Variants in TYW1 observed in about 807,000 individuals in gnomAD.
TYW1 encodes tRNA-yW synthesizing protein 1 homolog.
In TYW1, 46 loss-of-function variants were observed where a neutral mutation model predicts 96.2. The ratio of observed to expected loss-of-function variants is 0.48; its 90% CI spans 0.38 to 0.61. The LOEUF (loss-of-function observed/expected upper bound fraction) is 0.61. Ranked by LOEUF, TYW1 falls within the 20% of genes least tolerant of loss-of-function variation. The pLI is 0.00. For missense variants in TYW1, 684 were observed against 909.6 expected, an observed-to-expected ratio of 0.75 and a Z score of 3.19; for synonymous variants, 274 against 323.0, an observed-to-expected ratio of 0.85 and a Z score of 1.63.
At chr7:67,119,803 T>G (rs547758131) in intron 13 of TYW1, among the ~76,000 whole-genome samples, 1 of 152,274 alleles carries the variant, frequency 6.6e-6, no homozygotes, top group Non-Finnish European at 1.5e-5. Flanking sequence ...CATTTTTTTC[T>G]TGGAGACTGG....
chr7:67,210,839 T>TATCAATCCATCC (rs1800986353), intron 15 of TYW1, among the ~76,000 whole-genome samples: 1 of 150,090 alleles, frequency 6.7e-6, no homozygotes, highest in Non-Finnish European at 1.5e-5. Context: ...TTCATCCATC[T>TATCAATCCATCC]ATCAATCCAT....
intron 7 of TYW1, among the ~76,000 whole-genome samples, chr7:67,048,068 G>A (rs1795243182): frequency 1.7e-5 from 2 of 120,262 alleles, no homozygotes; most frequent in African/African-American, 3.2e-5. Flanking sequence ...GATTATAGGC[G>A]TGAGCCAACG....
intron 11 of TYW1, among the ~76,000 whole-genome samples, chr7:67,096,050 C>T (rs2115846901): frequency 6.6e-6 from 1 of 152,312 alleles, no homozygotes; most frequent in Non-Finnish European, 1.5e-5. Flanking sequence ...AACAAAAATT[C>T]TTCAAGGTAC....
At chr7:67,061,918 A>G (rs1795708168) in intron 9 of TYW1, among the ~76,000 whole-genome samples, 1 of 152,174 alleles carries the variant, frequency 6.6e-6, no homozygotes, top group South Asian at 2.1e-4. Context: ...CAAACACATC[A>G]TCGTCATTAA....
At chr7:67,007,197 C>T (rs1793627455) in intron 3 of TYW1, among the ~76,000 whole-genome samples, 1 of 151,780 alleles carries the variant, frequency 6.6e-6, no homozygotes, top group African/African-American at 2.4e-5. Flanking sequence ...GGCCATGAGC[C>T]AATTCTTCAT....
At position 67,210,506 on chromosome 7, in the gene TYW1, G is replaced by A. The variant is rs1240262875; in HGVS notation, c.1977+15169G>A. Among the ~76,000 whole-genome samples, 3 of 152,170 alleles carry A rather than the reference G, an allele frequency of 2.0e-5. No homozygotes were observed. The South Asian group carries it at 6.2e-4, about 31-fold the overall frequency. The stretch of plus-strand genomic sequence containing the variant: ...CGTGTGTGGTCCATATCCAAGGGGC[G>A]TAGTGTTAGGCTCCCCGTCCTTGAG... On this transcript the variant is annotated intron_variant, in intron 15 of 15. Transcript: ENST00000359626.
chr7:67,110,141 C>T (rs980147662), intron 12 of TYW1, among the ~76,000 whole-genome samples: 1 of 152,188 alleles, frequency 6.6e-6, no homozygotes, highest in African/African-American at 2.4e-5. Context: ...TTTAGCTTCA[C>T]AAAGCCGCCT....
intron 11 of TYW1, among the ~76,000 whole-genome samples, chr7:67,094,126 A>G (rs1182282264): frequency 6.6e-6 from 1 of 152,144 alleles, no homozygotes; most frequent in Non-Finnish European, 1.5e-5. Flanking sequence ...TAGTTCACCT[A>G]GGATGATGGC....
At chr7:67,083,182 T>TGTAAC (rs775009689) in intron 10 of TYW1, among the ~76,000 whole-genome samples, 17 of 152,232 alleles carry the variant, frequency 1.1e-4, no homozygotes, top group Non-Finnish European at 2.1e-4. Flanking sequence ...TCTGTCAACC[T>TGTAAC]GTAACTGGAA....
chr7:67,189,605 C>G (rs1288004006), intron 14 of TYW1, among the ~76,000 whole-genome samples: 1 of 152,154 alleles, frequency 6.6e-6, no homozygotes, highest in African/African-American at 2.4e-5. Context: ...ACAGGTTATT[C>G]ATCCTCCTTG....
At chr7:67,129,098 G>T (rs2116043221) in intron 13 of TYW1, among the ~76,000 whole-genome samples, 1 of 152,284 alleles carries the variant, frequency 6.6e-6, no homozygotes, top group East Asian at 1.9e-4. Flanking sequence ...GCTGCAGTTG[G>T]CTATTTCCCT....
At chr7:67,186,234 G>T (rs1800012942) in intron 14 of TYW1, among the ~76,000 whole-genome samples, 1 of 139,012 alleles carries the variant, frequency 7.2e-6, no homozygotes, top group Non-Finnish European at 1.5e-5. Context: ...AGCTTGGCTG[G>T]ATCTCCCTTT....
intron 7 of TYW1, among the ~76,000 whole-genome samples, chr7:67,036,158 AG>A (rs527538285): frequency 8.3e-4 from 124 of 149,024 alleles, no homozygotes; most frequent in African/African-American, 2.9e-3. Flanking sequence ...TAAAAGTCTG[AG>A]CACCAGACTG....
chr7:67,093,382 C>T (rs1196822354), intron 11 of TYW1, among the ~76,000 whole-genome samples: 1 of 152,016 alleles, frequency 6.6e-6, no homozygotes, highest in Non-Finnish European at 1.5e-5. Flanking sequence ...AGAGGCTTGA[C>T]CAAGGATATA....
At chr7:67,153,612 T>C (rs1798871923) in intron 13 of TYW1, among the ~76,000 whole-genome samples, 1 of 152,220 alleles carries the variant, frequency 6.6e-6, no homozygotes, top group Admixed American at 6.5e-5. Flanking sequence ...TCATAAAATA[T>C]ACAGAAATAT....
At chr7:67,218,625 T>G (rs1389698350) in intron 15 of TYW1, among the ~76,000 whole-genome samples, 4 of 152,222 alleles carry the variant, frequency 2.6e-5, no homozygotes, top group Non-Finnish European at 5.9e-5. Context: ...AGTGTTGGGA[T>G]TACAGGCATG....
chr7:67,235,497 T>C (rs7801032), intron 15 of TYW1, among the ~76,000 whole-genome samples: 40,688 of 151,936 alleles, frequency 0.27, 5,817 homozygotes, highest in African/African-American at 0.36. Context: ...GCAGTCCCTT[T>C]TATTCCATGG....
chr7:67,210,911 TCTATCCAA>T (rs1401276788), intron 15 of TYW1, among the ~76,000 whole-genome samples: 35 of 148,382 alleles, frequency 2.4e-4, no homozygotes, highest in African/African-American at 5.5e-4. Context: ...TGTCCATCCA[TCTATCCAA>T]CCATCCATCC....
chr7:67,223,222 G>A (rs1189315364), intron 15 of TYW1, among the ~76,000 whole-genome samples: 7 of 152,104 alleles, frequency 4.6e-5, no homozygotes, highest in Non-Finnish European at 8.8e-5. Context: ...TGGATGGACC[G>A]TATATCACTG....
Sources: gnomAD v4.1 joint callset for allele counts (sites outside exome capture counted in the v4.1 genomes callset) on GRCh38, gnomAD v4.1.1 for gene constraint, MANE v1.5 for transcripts, NCBI Gene and HGNC (gene_info 2026-07-23, HGNC 2026-07-21) for gene names.